Variants in ZNF184 observed in about 807,000 individuals in gnomAD.
ZNF184 encodes the protein zinc finger protein 184 (Kruppel-like).
In ZNF184, 16 loss-of-function variants were observed where a neutral mutation model predicts 54.4. The ratio of observed to expected loss-of-function variants is 0.29; its 90% confidence interval spans 0.20 to 0.45. The LOEUF (loss-of-function observed/expected upper bound fraction) is 0.45. Ranked by LOEUF, ZNF184 falls within the 20% of genes least tolerant of loss-of-function variation. The pLI, the probability that ZNF184 is intolerant of heterozygous loss-of-function variation, is 1.00. For missense variants in ZNF184, 681 were observed against 888.2 expected, an observed-to-expected ratio of 0.77 and a Z score of 2.97; for synonymous variants, 254 against 295.3, an observed-to-expected ratio of 0.86 and a Z score of 1.43.
At chr6:27,430,143 G>A in the ZNF184 span, among the ~76,000 whole-genome samples, 2 of 152,160 alleles carry the variant, frequency 1.3e-5, no homozygotes, top group African/African-American at 4.8e-5. Flanking sequence ...TTTCCTTCCT[G>A]TATAGGGAGG....
downstream of ZNF184, among the ~76,000 whole-genome samples, chr6:27,450,488 G>C (rs993111727): frequency 6.6e-6 from 1 of 152,034 alleles, no homozygotes; most frequent in Non-Finnish European, 1.5e-5. Flanking sequence ...GAAGAAGAGA[G>C]GTGTCTGCAA....
At chr6:27,447,567 G>A (rs1762652056), downstream of ZNF184, among the ~76,000 whole-genome samples, 1 of 152,060 alleles carries the variant, frequency 6.6e-6, no homozygotes, top group South Asian at 2.1e-4. Flanking sequence ...ACAAAAATTA[G>A]CTGGGCATGG....
At chr6:27,424,762 C>G in the ZNF184 span, among the ~76,000 whole-genome samples, 2 of 152,246 alleles carry the variant, frequency 1.3e-5, no homozygotes, top group African/African-American at 4.8e-5. Context: ...CAGCTGGCTT[C>G]ACCCAGTGGA....
At chr6:27,427,051 C>G in the ZNF184 span, among the ~76,000 whole-genome samples, 1 of 136,236 alleles carries the variant, frequency 7.3e-6, no homozygotes, top group Non-Finnish European at 1.5e-5. Context: ...AAGCAACTCT[C>G]TATATGAAAA....
At chr6:27,465,633 A>G (rs994945570) in intron 3 of ZNF184, among the ~76,000 whole-genome samples, 1 of 152,118 alleles carries the variant, frequency 6.6e-6, no homozygotes, top group Non-Finnish European at 1.5e-5. Flanking sequence ...GGCAAAAGAT[A>G]CTACCAGGCA....
the ZNF184 span, among the ~76,000 whole-genome samples, chr6:27,440,901 T>A: frequency 0.82 from 124,538 of 151,948 alleles, 51,694 homozygotes; most frequent in African/African-American, 0.95. Flanking sequence ...GCTACTCGGG[T>A]GGCTGAGGCA....
intron 3 of ZNF184, among the ~76,000 whole-genome samples, chr6:27,457,830 T>G (rs1345112413): frequency 6.6e-6 from 1 of 152,132 alleles, no homozygotes; most frequent in Admixed American, 6.5e-5. Flanking sequence ...CTAATACATT[T>G]CAAAAGATAA....
chr6:27,416,108 A>T, the ZNF184 span, among the ~76,000 whole-genome samples: 11 of 152,200 alleles, frequency 7.2e-5, no homozygotes, highest in Non-Finnish European at 1.2e-4. Context: ...AGGATGAGTC[A>T]TACTGGATTA....
chr6:27,457,247 C>T (rs1392642110), intron 4 of ZNF184, 36 bp downstream of exon 4: 2 of 1,604,738 alleles, frequency 1.2e-6, no homozygotes, highest in East Asian at 2.2e-5. Flanking sequence ...TCCTCCTGCA[C>T]ACCCCTTGAT....
chr6:27,410,123 A>G, the ZNF184 span, among the ~76,000 whole-genome samples: 1 of 152,222 alleles, frequency 6.6e-6, no homozygotes. Context: ...TTGTGAAAGT[A>G]TACTCTATGA....
the ZNF184 span, among the ~76,000 whole-genome samples, chr6:27,441,385 T>G: frequency 6.6e-6 from 1 of 151,764 alleles, no homozygotes; most frequent in Non-Finnish European, 1.5e-5. Context: ...GGCTAATTAT[T>G]TGTAATTTTT....
downstream of ZNF184, among the ~76,000 whole-genome samples, chr6:27,446,085 G>A (rs1231925204): frequency 6.6e-6 from 1 of 152,174 alleles, no homozygotes; most frequent in Non-Finnish European, 1.5e-5. Flanking sequence ...TAATAGAAAA[G>A]TATGTTCAGG....
At chr6:27,432,498 C>T in the ZNF184 span, among the ~76,000 whole-genome samples, 1 of 152,196 alleles carries the variant, frequency 6.6e-6, no homozygotes, top group Non-Finnish European at 1.5e-5. This position sits in a 1 kb window ranked among gnomAD's most constrained non-coding sequence, Gnocchi z 4.0. Flanking sequence ...GCAAAGGGAA[C>T]ATCCCTGCTT....
At chr6:27,458,478 A>C (rs1268399722) in intron 3 of ZNF184, among the ~76,000 whole-genome samples, 1 of 152,112 alleles carries the variant, frequency 6.6e-6, no homozygotes, top group Non-Finnish European at 1.5e-5. Flanking sequence ...GGCATTTCTC[A>C]AAAGAAGACA....
intron 2 of ZNF184, among the ~76,000 whole-genome samples, chr6:27,471,733 G>A (rs979523138): frequency 6.6e-6 from 1 of 152,244 alleles, no homozygotes; most frequent in Non-Finnish European, 1.5e-5. Flanking sequence ...AAGGGCAGCA[G>A]TGTGAAAGAA....
chr6:27,445,051 A>G, the ZNF184 span, among the ~76,000 whole-genome samples: 1 of 152,226 alleles, frequency 6.6e-6, no homozygotes, highest in Non-Finnish European at 1.5e-5. Flanking sequence ...GTCAATGTCA[A>G]CTAAAGCTGA....
chr6:27,435,796 G>A, the ZNF184 span, among the ~76,000 whole-genome samples: 8 of 151,786 alleles, frequency 5.3e-5, no homozygotes, highest in Admixed American at 5.3e-4. Context: ...CCCAGTAAAG[G>A]TATTGGCCCA....
Position 27,457,325 on chromosome 6 carries a change from T to G in ZNF184, c.160A>C (p.Arg54=). 6.2e-7 allele frequency: 1 copy of G among 1,614,096 alleles called. No individual in the cohort carries two copies. Among genetic ancestry groups the G allele is most frequent in the Non-Finnish European group, 8.5e-7 (1 of 1,179,988 alleles). ...QLDPGQRDLF[R]DVTLENYTHL... Reference sequence around the variant, plus strand: ...GTATAATTTTCCAATGTCACATCCCTGAACAAATCTCTCTGGCCAGGGTCC... The same window carrying G: ...GTATAATTTTCCAATGTCACATCCCGGAACAAATCTCTCTGGCCAGGGTCC... Residue 54 remains arginine (R), a synonymous_variant, in exon 4 of 6, where the codon AGG becomes CGG. Transcript: ENST00000683788.
chr6:27,428,051 T>G, the ZNF184 span, among the ~76,000 whole-genome samples: 3 of 152,348 alleles, frequency 2.0e-5, no homozygotes, highest in African/African-American at 7.2e-5. This position sits in a 1 kb window ranked among gnomAD's most constrained non-coding sequence, Gnocchi z 4.1. Context: ...CTCCTGTCAC[T>G]GACTTAATTC....
Sources: gnomAD v4.1 joint callset for allele counts (sites outside exome capture counted in the v4.1 genomes callset) on GRCh38, gnomAD v4.1.1 for gene constraint, Gnocchi (gnomAD v3.1) non-coding constraint, MANE v1.5 for transcripts, NCBI Gene and HGNC (gene_info 2026-07-23, HGNC 2026-07-21) for gene names.